Variants in IPO9 observed in about 807,000 individuals in gnomAD.
The protein encoded by IPO9 is importin 9.
In IPO9, 28 loss-of-function variants were observed where a neutral mutation model predicts 128.6. The ratio of observed to expected loss-of-function variants is 0.22; its 90% confidence interval spans 0.16 to 0.30. The LOEUF (loss-of-function observed/expected upper bound fraction) is 0.30. Among genes scored for constraint, IPO9 ranks in the 10% least tolerant of loss-of-function variants. The pLI is 1.00. For synonymous variants in IPO9, 455 were observed against 475.8 expected, an observed-to-expected ratio of 0.96 and a Z score of 0.57; for missense variants, 935 against 1,293.9, an observed-to-expected ratio of 0.72 and a Z score of 4.26.
chr1:201,868,834 A>G, intron 16 of IPO9, 38 bp downstream of exon 16: 2 of 1,549,498 alleles, frequency 1.3e-6, no homozygotes, highest in Admixed American at 1.9e-5. Context: ...TGTGTGAGAG[A>G]GATCTACAAG....
chr1:201,869,913 T>A (rs1250580493), intron 17 of IPO9, among the ~76,000 whole-genome samples, 195 bp downstream of exon 17: 3 of 152,224 alleles, frequency 2.0e-5, no homozygotes, highest in Admixed American at 1.3e-4. Flanking sequence ...TTACAGTTTT[T>A]AAAAATATGG....
intron 17 of IPO9, 133 bp downstream of exon 17, chr1:201,869,851 C>G (rs1381992759): frequency 5.2e-6 from 6 of 1,163,556 alleles, no homozygotes; most frequent in Non-Finnish European, 7.1e-6. Flanking sequence ...TTAGCAGATT[C>G]AGGAAGGGTT....
chr1:201,853,621 G>T (rs1273231875), intron 6 of IPO9, among the ~76,000 whole-genome samples: 1 of 152,236 alleles, frequency 6.6e-6, no homozygotes, highest in South Asian at 2.1e-4. Context: ...CATGATCATA[G>T]CTCACTGCAG....
At chr1:201,868,307 CTTT>C (rs11412063) in intron 15 of IPO9, among the ~76,000 whole-genome samples, 1 of 136,770 alleles carries the variant, frequency 7.3e-6, no homozygotes, top group Admixed American at 7.3e-5. Flanking sequence ...ATCAGTTGGG[CTTT>C]TTTTTTTTTT....
rs377455473 is a variant in IPO9 at position 201,874,282 on chromosome 1, G to A, written c.2743G>A (p.Val915Ile). Reference protein sequence around the residue: ...PERWTNIPLLVKILKLIINEL... With the variant: ...PERWTNIPLLIKILKLIINEL... The stretch of plus-strand genomic sequence containing the variant: ...ACGCTGGACAAACATTCCTTTGCTG[G>A]TCAAGATCCTAAAGCTGATCATCAA... The change falls in exon 21 of 24, where the codon GTC (valine) becomes ATC (isoleucine). Residue 915 changes from valine to isoleucine, a missense_variant. Val to Ile is a conservative substitution (Grantham distance 29, BLOSUM62 3). This residue lies in a region of IPO9 where 188 missense variants were observed against 246.7 expected (regional missense o/e 0.76). Coordinates refer to ENST00000361565, the MANE Select transcript of IPO9 (RefSeq NM_018085.5). 6.2e-7 allele frequency: 1 copy of A among 1,613,822 alleles called. No homozygotes were observed. Among genetic ancestry groups the A allele is most frequent in the Non-Finnish European group, 8.5e-7 (1 of 1,179,842 alleles).
At chr1:201,853,968 C>T (rs1466906505) in intron 6 of IPO9, among the ~76,000 whole-genome samples, 1 of 151,996 alleles carries the variant, frequency 6.6e-6, no homozygotes, top group Non-Finnish European at 1.5e-5. Flanking sequence ...AATATCTTGA[C>T]CTCGTGATCC....
chr1:201,875,891 C>A, intron 23 of IPO9, 53 bp from the exon 24 acceptor site: 1 of 1,157,462 alleles, frequency 8.6e-7, no homozygotes, highest in Non-Finnish European at 1.3e-6. Context: ...TGCTCCACTG[C>A]AAATGGGTGA....
intron 15 of IPO9, among the ~76,000 whole-genome samples, 184 bp downstream of exon 15, chr1:201,867,143 A>G (rs912361547): frequency 6.6e-6 from 1 of 152,226 alleles, no homozygotes; most frequent in Non-Finnish European, 1.5e-5. Context: ...GCAGCATTAA[A>G]AAATAGAGTA....
At chr1:201,832,373 C>T (rs895878696) in intron 1 of IPO9, among the ~76,000 whole-genome samples, 1 of 151,962 alleles carries the variant, frequency 6.6e-6, no homozygotes, top group African/African-American at 2.4e-5. Context: ...ATTCTCGTGC[C>T]TCAGCCTCCC....
intron 22 of IPO9, 102 bp from the exon 23 acceptor site, chr1:201,875,050 G>A (rs1037122488): frequency 5.1e-6 from 7 of 1,370,144 alleles, no homozygotes; most frequent in Middle Eastern, 1.8e-4. Context: ...CATTTCTTGG[G>A]CTTTTGCACC....
rs145289078 is a variant in IPO9 at position 201,872,915 on chromosome 1, C to T, written c.2664C>T (p.Ile888=). ...ATATCCGTGTGAAGGGAGAGGAGAT[C>T]TACAGCATGGATGAGGGCATCCGCA... The part of the protein sequence containing the change: ...LQDIRVKGEE[I]YSMDEGIRTR... Residue 888 remains isoleucine (I), a synonymous_variant, in exon 20 of 24, where the codon ATC becomes ATT. Transcript: ENST00000361565. 1.2e-6 allele frequency: 2 copies of T among 1,613,860 alleles called. No individual in the cohort carries two copies.
rs568717708 is a variant in IPO9 at position 201,837,657 on chromosome 1, C to G, written c.163+8285C>G. Reference sequence around the variant, plus strand: ...CACACTGTATATTGAAGAATTTCTTCATTTTGATCTTGTTTTAGTTTGTCC... The same window carrying G: ...CACACTGTATATTGAAGAATTTCTTGATTTTGATCTTGTTTTAGTTTGTCC... On this transcript the variant is annotated intron_variant, in intron 1 of 23. Transcript: ENST00000361565. Among the ~76,000 whole-genome samples the G allele has an allele frequency of 1.1e-4, 17 of 152,332 alleles. 1 individual carries two copies. The South Asian group carries it at 3.5e-3, about 32-fold the overall frequency.
Position 201,872,018 on chromosome 1 carries a change from G to A in IPO9, c.2576+691G>A, listed in dbSNP as rs141933247. On this transcript the variant is annotated intron_variant, in intron 19 of 23. Coordinates refer to ENST00000361565, the MANE Select transcript of IPO9 (RefSeq NM_018085.5). ...AGGAGGCTGAGGCGAGCAGATCACCGGAGGTCAGGAGTTCAAGACCAGCCT... is the reference window on the plus strand; with the variant it reads ...AGGAGGCTGAGGCGAGCAGATCACCAGAGGTCAGGAGTTCAAGACCAGCCT... 9.6e-4 allele frequency among the ~76,000 whole-genome samples: 145 copies of A among 151,728 alleles called. 1 individual carries two copies. Among genetic ancestry groups the A allele is most frequent in the African/African-American group, 3.2e-3 (133 of 41,412 alleles).
chr1:201,868,057 C>T (rs1680586793), intron 15 of IPO9, among the ~76,000 whole-genome samples: 1 of 152,058 alleles, frequency 6.6e-6, no homozygotes, highest in Non-Finnish European at 1.5e-5. Flanking sequence ...ATGCACATTG[C>T]CTATATTTTT....
In IPO9 at chr1:201,838,745, A is replaced by G. The variant is rs536343904; in HGVS notation, c.164-8534A>G. Among the ~76,000 whole-genome samples, 3 of 152,366 alleles carry G rather than the reference A, an allele frequency of 2.0e-5. No homozygotes were observed. The South Asian group carries it at 6.2e-4, about 32-fold the overall frequency. ...CAGCTTAAAGGCATAATAAGAATGAATTAAGAATCTAAGAATTCAGTAAAA... is the reference window on the plus strand; with the variant it reads ...CAGCTTAAAGGCATAATAAGAATGAGTTAAGAATCTAAGAATTCAGTAAAA... On this transcript the variant is annotated intron_variant, in intron 1 of 23. Coordinates refer to ENST00000361565, the MANE Select transcript of IPO9 (RefSeq NM_018085.5).
At chr1:201,864,302 G>A (rs2102884844) in intron 14 of IPO9, among the ~76,000 whole-genome samples, 2 of 152,272 alleles carry the variant, frequency 1.3e-5, no homozygotes, top group South Asian at 2.1e-4. Context: ...TTAATTAAAT[G>A]GTTAATGTTA....
intron 1 of IPO9, among the ~76,000 whole-genome samples, chr1:201,831,679 T>C (rs1679835031): frequency 6.6e-6 from 1 of 152,152 alleles, no homozygotes; most frequent in Non-Finnish European, 1.5e-5. Flanking sequence ...TGCAATATAG[T>C]AGCTGCTTCT....
At position 201,874,332 on chromosome 1, in the gene IPO9, TA is replaced by T; in HGVS notation, c.2795del (p.Asn932MetfsTer34). The T allele has an allele frequency of 6.2e-7, 1 of 1,614,092 alleles. No homozygotes were observed. Among genetic ancestry groups the T allele is most frequent in the Admixed American group, 1.7e-5 (1 of 60,030 alleles). ...INELSNVMEANAARQATPAEW... is the reference protein window; with the variant it reads ...INELSNVMEAXAARQATPAEW... ...ACGAGCTCTCCAACGTCATGGAGGC[TA>T]ATGCCGCTCGCCAGGCCACTCCTGC... On this transcript the variant is annotated frameshift_variant, in exon 21 of 24. Transcript: ENST00000361565. LOFTEE classifies it high-confidence loss of function.
Position 201,882,787 on chromosome 1 carries a change from C to T in IPO9, c.*6733C>T, listed in dbSNP as rs974935681. 6.6e-6 allele frequency: 1 copy of T among 152,584 alleles called. No homozygotes were observed. The highest frequency in any genetic ancestry group is 2.4e-5 in the African/African-American group (1 of 41,430). 9.5% of individuals were successfully genotyped at this position (152,584 alleles called of 1,614,324 possible). A position where few individuals can be genotyped will look rare whatever the true frequency, so the allele number is the denominator to read the frequency against. Reference sequence around the variant, plus strand: ...CGTTTCCTTCAAGCCTTGGTTCCCTCATCTGTAAAATAGGGAACTAATACC... The same window carrying T: ...CGTTTCCTTCAAGCCTTGGTTCCCTTATCTGTAAAATAGGGAACTAATACC... On this transcript the variant is annotated 3_prime_UTR_variant, in exon 24 of 24. Coordinates refer to ENST00000361565, the MANE Select transcript of IPO9 (RefSeq NM_018085.5).
Sources: gnomAD v4.1 joint callset for allele counts (sites outside exome capture counted in the v4.1 genomes callset) on GRCh38, gnomAD v4.1.1 for gene constraint, gnomAD v4.1.1 regional missense constraint, MANE v1.5 for transcripts, NCBI Gene and HGNC (gene_info 2026-07-23, HGNC 2026-07-21) for gene names.